LIG4: variants seen among roughly 807,000 people sequenced by gnomAD.
LIG4 encodes DNA ligase 4.
A neutral mutation model predicts 19.0 loss-of-function variants in LIG4; 13 were observed. The ratio of observed to expected loss-of-function variants is 0.68; its 90% CI spans 0.44 to 1.09. The LOEUF (loss-of-function observed/expected upper bound fraction) is 1.09. LIG4 is among the 50% of genes least tolerant of loss of function. LIG4 has a pLI of 0.00. For missense variants in LIG4, 1,026 were observed against 1,089.7 expected, an observed-to-expected ratio of 0.94 and a Z score of 0.82; for synonymous variants, 361 against 358.2, an observed-to-expected ratio of 1.01 and a Z score of -0.09.
chr13:108,211,429 T>C (rs1312200237), intron 2 of LIG4, 133 bp from the exon 3 acceptor site: 2 of 662,034 alleles, frequency 3.0e-6, no homozygotes, highest in Non-Finnish European at 5.3e-6. Flanking sequence ...AGATCAATGC[T>C]CTAAATGATG....
At chr13:108,213,445 A>T in intron 2 of LIG4, among the ~76,000 whole-genome samples, 1 of 152,258 alleles carries the variant, frequency 6.6e-6, no homozygotes, top group East Asian at 1.9e-4. Flanking sequence ...ATTACTTTAT[A>T]ATGACAAAAT....
chr13:108,209,987 C>G lies in LIG4; in HGVS notation c.1282G>C (p.Gly428Arg), dbSNP rs2138974645. ...LNEAIDKREE[G>R]IMVKQPLSIY... is the part of the protein sequence containing the mutation. Reference sequence around the variant, plus strand: ...GATAGAGGTTGTTTTACCATAATTCCCTCTTCTCTTTTATCTATTGCTTCA... The same window carrying G: ...GATAGAGGTTGTTTTACCATAATTCGCTCTTCTCTTTTATCTATTGCTTCA... The change falls in exon 3 of 3, where the codon GGA becomes CGA. Residue 428 changes from glycine to arginine, a missense_variant. This residue lies in a region of LIG4 where 493 missense variants were observed against 544.5 expected (regional missense o/e 0.91). Transcript: ENST00000442234. 1 of 1,612,654 alleles carries G rather than the reference C, an allele frequency of 6.2e-7. No individual in the cohort carries two copies. The highest frequency in any genetic ancestry group is 1.1e-5 in the South Asian group (1 of 91,080).
At position 108,209,497 on chromosome 13, in the gene LIG4, T is replaced by C. The variant is rs755547701; in HGVS notation, c.1772A>G (p.His591Arg). 5.6e-6 allele frequency: 9 copies of C among 1,614,020 alleles called. No homozygotes were observed. The highest frequency in any genetic ancestry group is 2.2e-5 in the East Asian group (1 of 44,888). Residue 591 changes from histidine (H) to arginine (R), a missense_variant, in exon 3 of 3, where the codon CAT becomes CGT. Physicochemically the swap from His to Arg is conservative, Grantham distance 29. Coordinates refer to ENST00000442234, the MANE Select transcript of LIG4 (RefSeq NM_206937.2). The stretch of plus-strand genomic sequence containing the variant: ...TAGGTCGTCCAGGGTCATGCACTCA[T>C]GCCACTCCTTGTCATCTCTTATCTT... ...IEKIRDDKEW[H>R]ECMTLDDLEQ...
chr13:108,209,859 A>C lies in LIG4; in HGVS notation c.1410T>G (p.Tyr470Ter). Reference protein sequence around the residue: ...DELDILIVGGYWGKGSRGGMM... With the variant: ...DELDILIVGG ...TTCCACCCCGTGATCCTTTACCCCA[A>C]TATCCTCCAACAATTAAAATGTCCA... The change falls in exon 3 of 3, where the codon TAT becomes TAG. Residue 470 changes from tyrosine to a stop codon, truncating the protein, a stop_gained. Transcript: ENST00000442234. LOFTEE classifies it low-confidence loss of function (END_TRUNC). 6.2e-7 allele frequency: 1 copy of C among 1,614,138 alleles called. No individual in the cohort carries two copies. The highest frequency in any genetic ancestry group is 8.5e-7 in the Non-Finnish European group (1 of 1,180,000).
Position 108,208,783 on chromosome 13 carries a change from A to G in LIG4, c.2486T>C (p.Leu829Pro), listed in dbSNP as rs146597721. Residue 829 changes from leucine (L) to proline (P), a missense_variant, in exon 3 of 3, where the codon CTG (leucine) becomes CCG (proline). Transcript: ENST00000442234. The part of the protein sequence containing the change: ...YLDSYAVIND[L>P]STKNEGTRLA... ...CCTTGTCCCCTCATTTTTGGTACTCAGGTCATTAATAACAGCATACGAGTC... is the reference window on the plus strand; with the variant it reads ...CCTTGTCCCCTCATTTTTGGTACTCGGGTCATTAATAACAGCATACGAGTC... 17 of 1,614,028 alleles carry G rather than the reference A, an allele frequency of 1.1e-5. No homozygotes were observed. The highest frequency in any genetic ancestry group is 3.3e-5 in the Admixed American group (2 of 60,000).
chr13:108,212,654 G>A (rs1006889871), intron 2 of LIG4, among the ~76,000 whole-genome samples: 1 of 151,528 alleles, frequency 6.6e-6, no homozygotes, highest in Admixed American at 6.6e-5. Flanking sequence ...CAGAAAATAT[G>A]TGACTCCCCA....
At chr13:108,212,215 G>GGT (rs1307871996) in intron 2 of LIG4, among the ~76,000 whole-genome samples, 5 of 141,816 alleles carry the variant, frequency 3.5e-5, no homozygotes, top group African/African-American at 1.5e-4. Flanking sequence ...AAGAAAAAAA[G>GGT]GGGGGGAGTG....
intron 2 of LIG4, among the ~76,000 whole-genome samples, chr13:108,213,892 T>C (rs1878927365): frequency 6.6e-6 from 1 of 152,190 alleles, no homozygotes; most frequent in African/African-American, 2.4e-5. Flanking sequence ...TCTTGATAAT[T>C]TTAATACTAT....
At position 108,209,445 on chromosome 13, in the gene LIG4, A is replaced by C; in HGVS notation, c.1824T>G (p.Gly608=). 3 of 1,614,146 alleles carry C rather than the reference A, an allele frequency of 1.9e-6. No homozygotes were observed. Among genetic ancestry groups the C allele is most frequent in the Non-Finnish European group, 2.5e-6 (3 of 1,180,020 alleles). ...TATAAAGGTGTTTAGATGCGAGCTT[A>C]CCAGATGCCTTCCCCCTAAGTTGTT... is the stretch of plus-strand genomic sequence containing the variant. ...DLEQLRGKAS[G]KLASKHLYIG... is the part of the protein sequence containing the mutation. The change falls in exon 3 of 3, where the codon GGT becomes GGG. Residue 608 remains glycine (G), a synonymous_variant. Transcript: ENST00000442234.
In LIG4 at chr13:108,210,320, TATGA is replaced by T. The variant is rs1566365683; in HGVS notation, c.945_948del (p.His316MetfsTer16). On this transcript the variant is annotated frameshift_variant, in exon 3 of 3. Coordinates refer to ENST00000442234, the MANE Select transcript of LIG4 (RefSeq NM_206937.2). LOFTEE classifies it low-confidence loss of function (END_TRUNC). ...ATTTGTATATCTGCTTTGAATGCAT[TATGA>T]ATGAATGGGGTAAGAGAACCTTCAG... is the stretch of plus-strand genomic sequence containing the variant. The T allele has an allele frequency of 6.2e-7, 1 of 1,613,940 alleles. No homozygotes were observed. Among genetic ancestry groups the T allele is most frequent in the Non-Finnish European group, 8.5e-7 (1 of 1,179,858 alleles).
chr13:108,209,856 C>T lies in LIG4; in HGVS notation c.1413G>A (p.Trp471Ter). 6.2e-7 allele frequency: 1 copy of T among 1,614,150 alleles called. No homozygotes were observed. Among genetic ancestry groups the T allele is most frequent in the Non-Finnish European group, 8.5e-7 (1 of 1,180,012 alleles). The change falls in exon 3 of 3, where the codon TGG becomes TGA. Residue 471 changes from tryptophan to a stop codon, truncating the protein, a stop_gained. Transcript: ENST00000442234. LOFTEE classifies it low-confidence loss of function (END_TRUNC). The stretch of plus-strand genomic sequence containing the variant: ...TCATTCCACCCCGTGATCCTTTACC[C>T]CAATATCCTCCAACAATTAAAATGT... ...ELDILIVGGY[W>*]GKGSRGGMMS... is the part of the protein sequence containing the mutation.
Position 108,210,528 on chromosome 13 carries a change from T to C in LIG4, c.741A>G (p.Lys247=), listed in dbSNP as rs1310826820. 1.2e-6 allele frequency: 2 copies of C among 1,612,384 alleles called. No individual in the cohort carries two copies. The highest frequency in any genetic ancestry group is 3.3e-5 in the Admixed American group (2 of 59,984). Residue 247 remains lysine (K), a synonymous_variant, in exon 3 of 3, where the codon AAA becomes AAG. Transcript: ENST00000442234. The part of the protein sequence containing the change: ...DISITLFSAF[K]PMLAAIADIE... ...TATCTGCAATAGCAGCTAGCATTGG[T>C]TTAAATGCAGAAAATAAAGTGATAG...
chr13:108,213,324 A>G (rs1367153930), intron 2 of LIG4, among the ~76,000 whole-genome samples: 2 of 150,922 alleles, frequency 1.3e-5, no homozygotes, highest in Admixed American at 6.6e-5. Flanking sequence ...AGGTTAACTA[A>G]TATTTCTTTA....
At position 108,208,301 on chromosome 13, in the gene LIG4, T is replaced by G. The variant is rs1878133019; in HGVS notation, c.*232A>C. ...CTTCTTTAGACTGTTTATTTCACCT[T>G]GATCATAAAAAATCATTGAATACTA... is the stretch of plus-strand genomic sequence containing the variant. On this transcript the variant is annotated 3_prime_UTR_variant, in exon 3 of 3. Coordinates refer to ENST00000442234, the MANE Select transcript of LIG4 (RefSeq NM_206937.2). 1 of 437,014 alleles carries G rather than the reference T, an allele frequency of 2.3e-6. No individual in the cohort carries two copies. The highest frequency in any genetic ancestry group is 4.1e-6 in the Non-Finnish European group (1 of 244,194). The allele number at this position is 437,014 out of a possible 1,614,324, so 27.1% of individuals were successfully genotyped here.
At chr13:108,212,345 G>A (rs985747640) in intron 2 of LIG4, among the ~76,000 whole-genome samples, 4 of 152,066 alleles carry the variant, frequency 2.6e-5, no homozygotes, top group Non-Finnish European at 5.9e-5. Context: ...GAAATAATGG[G>A]TACCTTGCTA....
chr13:108,214,786 CG>C (rs1242460163), intron 1 of LIG4, 176 bp from the exon 2 acceptor site: 1 of 152,166 alleles, frequency 6.6e-6, no homozygotes, highest in African/African-American at 2.4e-5. Context: ...GCTGTGGACT[CG>C]GCAACTCCCA....
At chr13:108,216,756 CT>C (rs1251113972), upstream of LIG4, among the ~76,000 whole-genome samples, 2 of 152,198 alleles carry the variant, frequency 1.3e-5, no homozygotes, top group Non-Finnish European at 2.9e-5. Flanking sequence ...TGTTCAACCT[CT>C]ACTGAGCTCC....
chr13:108,208,503 C>G lies in LIG4; in HGVS notation c.*30G>C, dbSNP rs748160595. On this transcript the variant is annotated 3_prime_UTR_variant, in exon 3 of 3. Coordinates refer to ENST00000442234, the MANE Select transcript of LIG4 (RefSeq NM_206937.2). ...ACCTGCTGCAATGAGTCTGCCAGATCAGAGGCTTTCCTCACTAGGAAACCT... is the reference window on the plus strand; with the variant it reads ...ACCTGCTGCAATGAGTCTGCCAGATGAGAGGCTTTCCTCACTAGGAAACCT... The G allele has an allele frequency of 3.5e-6, 5 of 1,411,640 alleles. No homozygotes were observed. The highest frequency in any genetic ancestry group is 1.0e-6 in the Non-Finnish European group (1 of 999,134). The allele number at this position is 1,411,640 out of a possible 1,614,324, so 87.4% of individuals were successfully genotyped here. A position where few individuals can be genotyped will look rare whatever the true frequency, so the allele number is the denominator to read the frequency against.
In LIG4 at chr13:108,209,782, T is replaced by G; in HGVS notation, c.1487A>C (p.Lys496Thr). Residue 496 changes from lysine (K) to threonine (T), a missense_variant, in exon 3 of 3, where the codon AAG (lysine) becomes ACG (threonine). Lys to Thr is a moderately conservative substitution (Grantham distance 78, BLOSUM62 -1). This residue lies in a region of LIG4 where 521 missense variants were observed against 515.5 expected (regional missense o/e 1.01). Coordinates refer to ENST00000442234, the MANE Select transcript of LIG4 (RefSeq NM_206937.2). ...AVAEKPPPGE[K>T]PSVFHTLSRV... ...AGAGAGAGTATGAAACACAGATGGC[T>G]TCTCACCAGGAGGGGGCTTCTCTGC... The G allele has an allele frequency of 6.2e-7, 1 of 1,614,096 alleles. No homozygotes were observed. Among genetic ancestry groups the G allele is most frequent in the East Asian group, 2.2e-5 (1 of 44,872 alleles).
Sources: allele counts gnomAD v4.1 joint callset (sites outside exome capture counted in the v4.1 genomes callset), GRCh38; gene constraint gnomAD v4.1.1; regional missense constraint gnomAD v4.1.1; transcripts MANE v1.5; gene names NCBI Gene and HGNC (gene_info 2026-07-23, HGNC 2026-07-21).